The following TMC1 variants were observed in gnomAD, a reference collection of about 807,000 sequenced individuals.
TMC1 encodes the protein transmembrane channel-like protein 1.
TMC1 carries 84 observed loss-of-function variants against 105.8 expected under a neutral mutation model. That is an observed-to-expected ratio of 0.79 (90% CI 0.67 to 0.95). The LOEUF is 0.95. TMC1 is among the 40% of genes least tolerant of loss of function. TMC1 has a pLI of 0.00. For missense variants in TMC1, 817 were observed against 914.1 expected (o/e 0.89, Z 1.37); for synonymous variants, 315 against 311.5 (o/e 1.01, Z -0.12).
At chr9:72,780,285 G>C (rs1228941780) in intron 13 of TMC1, among the ~76,000 whole-genome samples, 1 of 152,128 alleles carries the variant, frequency 6.6e-6, no homozygotes, top group Non-Finnish European at 1.5e-5. Context: ...ATAAAAAACT[G>C]TTACCAACTA....
At chr9:72,636,801 T>C (rs1344446172) in intron 4 of TMC1, among the ~76,000 whole-genome samples, 4 of 151,762 alleles carry the variant, frequency 2.6e-5, no homozygotes, top group Non-Finnish European at 5.9e-5. Flanking sequence ...TTCTCAACAA[T>C]TGATTTTATT....
At chr9:72,763,731 A>G (rs2118096947) in intron 12 of TMC1, among the ~76,000 whole-genome samples, 1 of 152,302 alleles carries the variant, frequency 6.6e-6, no homozygotes. Flanking sequence ...CATTGGAGAG[A>G]CAGAAGGGAA....
intron 20 of TMC1, 57 bp downstream of exon 20, chr9:72,821,138 G>T: frequency 6.2e-7 from 1 of 1,611,838 alleles, no homozygotes; most frequent in Non-Finnish European, 8.5e-7. Context: ...GTGGAGGTGG[G>T]AATGGTCATT....
In TMC1 at chr9:72,793,872, C is replaced by T. The variant is rs561281449; in HGVS notation, c.1566+1520C>T. On this transcript the variant is annotated intron_variant, in intron 17 of 23. Coordinates refer to ENST00000297784, the MANE Select transcript of TMC1 (RefSeq NM_138691.3). ...TCCAGCTACCCTCTGCTAGAATTAT[C>T]GATCAAGTAGCAGCTCTGTAACTCC... Among the ~76,000 whole-genome samples, 119 of 152,286 alleles carry T rather than the reference C, an allele frequency of 7.8e-4. 3 individuals are homozygous for T. The South Asian group carries it at 0.023, about 30-fold the overall frequency.
At chr9:72,636,491 GT>G (rs1449512366) in intron 4 of TMC1, among the ~76,000 whole-genome samples, 1 of 151,992 alleles carries the variant, frequency 6.6e-6, no homozygotes, top group African/African-American at 2.4e-5. Flanking sequence ...GAGGTCAGGA[GT>G]TCGAGACCAG....
At chr9:72,571,058 C>T (rs1587965522) in intron 1 of TMC1, among the ~76,000 whole-genome samples, 1 of 150,204 alleles carries the variant, frequency 6.7e-6, no homozygotes, top group African/African-American at 2.4e-5. Flanking sequence ...CATGGTGGCT[C>T]ATGGCTATAA....
intron 2 of TMC1, among the ~76,000 whole-genome samples, chr9:72,582,736 G>A (rs1824495025): frequency 6.6e-6 from 1 of 152,112 alleles, no homozygotes; most frequent in African/African-American, 2.4e-5. Context: ...AAGACTTTTT[G>A]AGAAAAGATC....
intron 4 of TMC1, among the ~76,000 whole-genome samples, chr9:72,638,211 T>C (rs368606946): frequency 2.0e-5 from 3 of 152,238 alleles, no homozygotes; most frequent in African/African-American, 4.8e-5. Flanking sequence ...TATTATTCCT[T>C]TGTTTTGTTT....
chr9:72,646,248 C>T (rs1300205988), intron 4 of TMC1, among the ~76,000 whole-genome samples: 1 of 152,092 alleles, frequency 6.6e-6, no homozygotes, highest in African/African-American at 2.4e-5. Flanking sequence ...GTATTTGCCA[C>T]CTCATACACA....
intron 1 of TMC1, among the ~76,000 whole-genome samples, chr9:72,550,293 C>A (rs1587951522): frequency 2.0e-5 from 3 of 151,892 alleles, no homozygotes; most frequent in African/African-American, 4.8e-5. Flanking sequence ...AATGGTGAAA[C>A]CCTGTCTCTA....
chr9:72,822,514 T>TTTTG (rs1828890801), intron 20 of TMC1, among the ~76,000 whole-genome samples: 3 of 135,768 alleles, frequency 2.2e-5, no homozygotes, highest in Non-Finnish European at 4.8e-5. Flanking sequence ...GTTAATTCCG[T>TTTTG]TGTGTGTGTG....
At chr9:72,639,411 A>AT (rs995093539) in intron 4 of TMC1, among the ~76,000 whole-genome samples, 6 of 152,014 alleles carry the variant, frequency 3.9e-5, no homozygotes, top group South Asian at 2.1e-4. Flanking sequence ...TAATCTCTTG[A>AT]TTTTTTTTAT....
intron 8 of TMC1, among the ~76,000 whole-genome samples, chr9:72,701,534 A>G (rs1826646193): frequency 6.6e-6 from 1 of 152,186 alleles, no homozygotes; most frequent in Non-Finnish European, 1.5e-5. Flanking sequence ...CATTTTTATA[A>G]ATAGTAGTAA....
chr9:72,656,678 T>G (rs1444844), intron 5 of TMC1, among the ~76,000 whole-genome samples: 85,238 of 152,084 alleles, frequency 0.56, 25,223 homozygotes, highest in African/African-American at 0.77. Context: ...TTTTTATCAA[T>G]GAAAATTTAT....
intron 18 of TMC1, among the ~76,000 whole-genome samples, chr9:72,814,896 T>TTGTGTGTGTGTGTGTGTGTGTGTG (rs57564294): frequency 8.4e-6 from 1 of 119,174 alleles, no homozygotes; most frequent in Non-Finnish European, 1.7e-5. Context: ...TGGATCATCT[T>TTGTGTGTGTGTGTGTGTGTGTGTG]TGTGTGTGTG....
chr9:72,725,363 A>ATG (rs1554723257), intron 8 of TMC1, among the ~76,000 whole-genome samples: 13 of 82,992 alleles, frequency 1.6e-4, no homozygotes, highest in African/African-American at 6.8e-4. Context: ...ATATATATAT[A>ATG]TATATGTATA....
intron 12 of TMC1, among the ~76,000 whole-genome samples, chr9:72,760,276 A>G (rs1827735590): frequency 6.6e-6 from 1 of 152,204 alleles, no homozygotes; most frequent in Non-Finnish European, 1.5e-5. Flanking sequence ...CAATGACTTC[A>G]TAGAGGTGCT....
At chr9:72,544,025 C>A (rs1327992810) in intron 1 of TMC1, among the ~76,000 whole-genome samples, 1 of 147,254 alleles carries the variant, frequency 6.8e-6, no homozygotes, top group Non-Finnish European at 1.5e-5. Flanking sequence ...GATCTTGGCT[C>A]ACTGCAACCT....
intron 12 of TMC1, among the ~76,000 whole-genome samples, chr9:72,759,197 T>G (rs993895461): frequency 3.9e-5 from 6 of 152,088 alleles, no homozygotes; most frequent in African/African-American, 1.4e-4. Flanking sequence ...GTTTTGAGTG[T>G]GCTCGAACAG....
Sources: allele counts gnomAD v4.1 joint callset (sites outside exome capture counted in the v4.1 genomes callset), GRCh38; gene constraint gnomAD v4.1.1; transcripts MANE v1.5; gene names NCBI Gene and HGNC (gene_info 2026-07-23, HGNC 2026-07-21).